Variants in CFAP43 observed in about 807,000 individuals in gnomAD.
The protein encoded by CFAP43 is cilia and flagella associated protein 43, also known as cilia- and flagella-associated protein 43.
CFAP43 carries 155 observed loss-of-function variants against 218.9 expected under a neutral mutation model. The ratio of observed to expected loss-of-function variants is 0.71; its 90% CI spans 0.62 to 0.81. The LOEUF (loss-of-function observed/expected upper bound fraction) is 0.81, where lower values mean the gene tolerates loss of function less well. CFAP43 is among the 30% of genes least tolerant of loss of function. The probability of loss-of-function intolerance (pLI) is 0.00; values close to 1 mark genes in which losing one functional copy is unlikely to be tolerated. For synonymous variants in CFAP43, 645 were observed against 681.3 expected (o/e 0.95, Z 0.83); for missense variants, 1,778 against 1,954.3 (o/e 0.91, Z 1.70).
intron 27 of CFAP43, among the ~76,000 whole-genome samples, chr10:104,157,757 T>TGA (rs570639449): frequency 8.1e-6 from 1 of 122,724 alleles, no homozygotes; most frequent in African/African-American, 3.4e-5. Flanking sequence ...TGTGTGTGTG[T>TGA]GTGTGTGTGT....
Position 104,212,033 on chromosome 10 carries a change from C to A in CFAP43, c.709G>T (p.Val237Leu). Residue 237 changes from valine to leucine, a missense_variant, in exon 5 of 38, where the codon GTA becomes TTA. Around this residue, in one of 3 missense-constraint regions of CFAP43, gnomAD observed 1,553 missense variants for 1,685.2 expected, o/e 0.92. Coordinates refer to ENST00000357060, the MANE Select transcript of CFAP43 (RefSeq NM_025145.7). ...VLPLSAIAGLVGKEAETFRPK... is the reference protein window; with the variant it reads ...VLPLSAIAGLLGKEAETFRPK... ...CGGAAAGTCTCTGCCTCTTTGCCTA[C>A]CAGCCCGGCAATGGCTGACAGTGGC... The A allele has an allele frequency of 6.2e-7, 1 of 1,613,512 alleles. No individual in the cohort carries two copies. Among genetic ancestry groups the A allele is most frequent in the Non-Finnish European group, 8.5e-7 (1 of 1,179,664 alleles).
chr10:104,232,329 T>TGCGGGCCGCGACGCC lies in CFAP43; in HGVS notation c.-98_-84dup. ...GGTTACCTTTCCGCCGCCGCGGGGC[T>TGCGGGCCGCGACGCC]GCGGGCCGCGACGCCGCTGCTGTGT... On this transcript the variant is annotated 5_prime_UTR_variant, in exon 1 of 38. Transcript: ENST00000357060. 1.5e-6 allele frequency: 2 copies of TGCGGGCCGCGACGCC among 1,363,720 alleles called. No individual in the cohort carries two copies. The highest frequency in any genetic ancestry group is 1.9e-6 in the Non-Finnish European group (2 of 1,028,024). 84.5% of individuals were successfully genotyped at this position (1,363,720 alleles called of 1,614,324 possible).
chr10:104,215,619 C>A (rs1016627288), intron 3 of CFAP43, among the ~76,000 whole-genome samples: 2 of 152,188 alleles, frequency 1.3e-5, no homozygotes, highest in African/African-American at 2.4e-5. Flanking sequence ...TGCCACCCCC[C>A]ACCAGACCCT....
At chr10:104,211,986 G>A (rs2090876584) in intron 5 of CFAP43, 21 bp downstream of exon 5, 17 of 1,607,740 alleles carry the variant, frequency 1.1e-5, no homozygotes, top group Non-Finnish European at 1.4e-5. Context: ...AGGCAAACAG[G>A]AAGAGGTGCC....
At chr10:104,171,987 C>T (rs898185979) in intron 20 of CFAP43, among the ~76,000 whole-genome samples, 1 of 152,156 alleles carries the variant, frequency 6.6e-6, no homozygotes, top group Non-Finnish European at 1.5e-5. Flanking sequence ...AATTTCTAAT[C>T]CTCTACCACT....
At chr10:104,225,367 A>G in intron 3 of CFAP43, 94 bp downstream of exon 3, 1 of 997,766 alleles carries the variant, frequency 1.0e-6, no homozygotes, top group South Asian at 1.8e-5. Context: ...TCCTTGTTTC[A>G]GATTTTTCAT....
At chr10:104,226,690 C>G (rs2091312443) in intron 2 of CFAP43, among the ~76,000 whole-genome samples, 1 of 151,974 alleles carries the variant, frequency 6.6e-6, no homozygotes, top group Non-Finnish European at 1.5e-5. Flanking sequence ...TTAAATATAA[C>G]TTTGCTTTTT....
At chr10:104,167,836 C>T (rs2089239490) in intron 21 of CFAP43, 99 bp from the exon 22 acceptor site, 3 of 763,998 alleles carry the variant, frequency 3.9e-6, no homozygotes, top group Middle Eastern at 2.4e-4. Flanking sequence ...AAAATTAACC[C>T]ATAGGTTATC....
At chr10:104,142,620 T>C (rs569243443) in intron 32 of CFAP43, among the ~76,000 whole-genome samples, 2 of 152,332 alleles carry the variant, frequency 1.3e-5, no homozygotes, top group African/African-American at 4.8e-5. Context: ...CAGGCAACTA[T>C]AAATTCTTTT....
chr10:104,188,040 G>C (rs1163315818), intron 13 of CFAP43, among the ~76,000 whole-genome samples: 7 of 152,184 alleles, frequency 4.6e-5, no homozygotes, highest in Non-Finnish European at 1.0e-4. Context: ...TGTGTCCGTT[G>C]ATCCTATCTC....
At chr10:104,162,269 C>A in intron 25 of CFAP43, 48 bp downstream of exon 25, 1 of 1,543,100 alleles carries the variant, frequency 6.5e-7, no homozygotes, top group Non-Finnish European at 8.9e-7. Context: ...AAGCAGTATC[C>A]CTAAAGCAAA....
At chr10:104,213,696 C>T (rs1338082000) in intron 4 of CFAP43, among the ~76,000 whole-genome samples, 4 of 152,108 alleles carry the variant, frequency 2.6e-5, no homozygotes, top group South Asian at 2.1e-4. Context: ...CCACCATGCC[C>T]GGCTAATTTT....
intron 32 of CFAP43, 126 bp from the exon 33 acceptor site, chr10:104,142,519 T>C (rs1210914533): frequency 1.8e-6 from 1 of 562,460 alleles, no homozygotes; most frequent in Non-Finnish European, 3.0e-6. Flanking sequence ...TAATAAAACA[T>C]TTAAATTTAA....
chr10:104,193,694 T>C lies in CFAP43; in HGVS notation c.1442+172A>G. The C allele has an allele frequency of 6.2e-6, 5 of 803,266 alleles. 1 individual carries two copies. The South Asian group carries it at 1.1e-4, about 18-fold the overall frequency. The allele number at this position is 803,266 out of a possible 1,614,324, so 49.8% of individuals were successfully genotyped here. A position where few individuals can be genotyped will look rare whatever the true frequency, so the allele number is the denominator to read the frequency against. On this transcript the variant is annotated intron_variant, in intron 11 of 37. Coordinates refer to ENST00000357060, the MANE Select transcript of CFAP43 (RefSeq NM_025145.7). The stretch of plus-strand genomic sequence containing the variant: ...CAAGGACAGACCTGGGTATGGGGGG[T>C]ACTTTACTACACAGCCCTCTGTACC...
At chr10:104,192,400 G>T in intron 11 of CFAP43, 98 bp from the exon 12 acceptor site, 1 of 917,668 alleles carries the variant, frequency 1.1e-6, no homozygotes, top group South Asian at 1.4e-5. Context: ...TTCAAAGCCA[G>T]TCATTTTTAC....
At chr10:104,196,971 TA>T in intron 9 of CFAP43, 38 bp from the exon 10 acceptor site, 1 of 1,546,404 alleles carries the variant, frequency 6.5e-7, no homozygotes, top group Non-Finnish European at 8.8e-7. Flanking sequence ...ACATGGAAAA[TA>T]AGACTTTCCT....
chr10:104,213,129 C>T (rs1014564769), intron 4 of CFAP43, among the ~76,000 whole-genome samples: 18 of 152,172 alleles, frequency 1.2e-4, no homozygotes, highest in Non-Finnish European at 2.1e-4. Context: ...TCACTAGAGA[C>T]AGATTTGGCT....
chr10:104,206,785 C>A (rs1316176550), intron 6 of CFAP43, among the ~76,000 whole-genome samples: 1 of 152,186 alleles, frequency 6.6e-6, no homozygotes, highest in Non-Finnish European at 1.5e-5. Flanking sequence ...GACAGTGGCT[C>A]CTGTGGCCCA....
At chr10:104,221,111 G>C (rs910042377) in intron 3 of CFAP43, among the ~76,000 whole-genome samples, 1 of 152,154 alleles carries the variant, frequency 6.6e-6, no homozygotes, top group African/African-American at 2.4e-5. Context: ...GAGTAGCTGG[G>C]ATTACAGGCA....
Sources: allele counts gnomAD v4.1 joint callset (sites outside exome capture counted in the v4.1 genomes callset), GRCh38; gene constraint gnomAD v4.1.1; regional missense constraint gnomAD v4.1.1; transcripts MANE v1.5; gene names NCBI Gene and HGNC (gene_info 2026-07-23, HGNC 2026-07-21).